VTI1A: variants seen among roughly 807,000 people sequenced by gnomAD.
The protein encoded by VTI1A is vesicle transport through interaction with t-SNAREs 1A.
In VTI1A, 22 loss-of-function variants were observed where a neutral mutation model predicts 34.9. The ratio of observed to expected loss-of-function variants is 0.63; its 90% CI spans 0.45 to 0.90. VTI1A has a LOEUF of 0.90. Among genes scored for constraint, VTI1A ranks in the 40% least tolerant of loss-of-function variants. The probability of loss-of-function intolerance (pLI) is 0.00; values close to 1 mark genes in which losing one functional copy is unlikely to be tolerated. For missense variants in VTI1A, 268 were observed against 275.6 expected (o/e 0.97, Z 0.20); for synonymous variants, 87 against 97.3 (o/e 0.89, Z 0.62).
In VTI1A at chr10:112,633,855, T is replaced by C. The variant is rs576890801; in HGVS notation, c.428-34363T>C. On this transcript the variant is annotated intron_variant, in intron 5 of 7. Transcript: ENST00000393077. ...TAGCATTATCAAGTTGGCTCTAGAC[T>C]AAAAAAAAAAAAAAGTCATGACTCA... Among the ~76,000 whole-genome samples, 34 of 125,578 alleles carry C rather than the reference T, an allele frequency of 2.7e-4. No individual in the cohort carries two copies. The East Asian group carries it at 7.6e-3, about 28-fold the overall frequency. 82.4% of individuals were successfully genotyped at this position (125,578 alleles called of 152,430 possible).
chr10:112,842,131 C>T, the VTI1A span, among the ~76,000 whole-genome samples: 30 of 124,102 alleles, frequency 2.4e-4, no homozygotes, highest in South Asian at 5.2e-3. Context: ...GGTGCAATCT[C>T]GGCTCACTGC....
At chr10:112,468,101 GA>G (rs1263855633) in intron 3 of VTI1A, among the ~76,000 whole-genome samples, 2 of 152,200 alleles carry the variant, frequency 1.3e-5, no homozygotes, top group Non-Finnish European at 2.9e-5. Flanking sequence ...GAGAGAGGAA[GA>G]AACGTGTGTG....
the VTI1A span, among the ~76,000 whole-genome samples, chr10:112,849,926 G>C: frequency 4.6e-5 from 7 of 152,162 alleles, no homozygotes; most frequent in African/African-American, 1.7e-4. Context: ...TAAGGGGAGA[G>C]CTGGGAAGGG....
intron 5 of VTI1A, chr10:112,634,198 G>GC (rs1846255002): frequency 1.3e-5 from 2 of 154,410 alleles, no homozygotes; most frequent in African/African-American, 4.8e-5. Flanking sequence ...TGTTTTCCTT[G>GC]CCTGTGGCAA....
chr10:112,735,821 C>T (rs919209590), intron 7 of VTI1A, among the ~76,000 whole-genome samples: 1 of 151,802 alleles, frequency 6.6e-6, no homozygotes, highest in African/African-American at 2.4e-5. Context: ...TCAGTCTGGT[C>T]ACTGAGTCCC....
Position 112,811,712 on chromosome 10 carries a change from A to AAAAAAAAAAAAAAAAAAAAAAAAAAGAT in VTI1A, c.561-3578_561-3577insAAAAAAAAAAAAAAAAAAAAAAAAAGAT, listed in dbSNP as rs67154330. On this transcript the variant is annotated intron_variant, in intron 7 of 7. Coordinates refer to ENST00000393077, the MANE Select transcript of VTI1A (RefSeq NM_145206.4). ...AAAAAAAAAAAAAAAAAAAAAAAAA[A>AAAAAAAAAAAAAAAAAAAAAAAAAAGAT]GAGTGCAGTCCATGCCTGGAAGTAG... 8.3e-5 allele frequency among the ~76,000 whole-genome samples: 7 copies of AAAAAAAAAAAAAAAAAAAAAAAAAAGAT among 84,066 alleles called. 3 individuals carry two copies. Among genetic ancestry groups the AAAAAAAAAAAAAAAAAAAAAAAAAAGAT allele is most frequent in the African/African-American group, 3.3e-4 (7 of 21,062 alleles). 55.2% of individuals were successfully genotyped at this position (84,066 alleles called of 152,430 possible).
At chr10:112,459,211 A>T (rs1847645966) in intron 1 of VTI1A, among the ~76,000 whole-genome samples, 1 of 152,200 alleles carries the variant, frequency 6.6e-6, no homozygotes, top group Non-Finnish European at 1.5e-5. Flanking sequence ...CATTTCAGTT[A>T]TTTCAAGCCA....
In VTI1A at chr10:112,668,281, G is replaced by T; in HGVS notation, c.491G>T (p.Arg164Leu). ...GACAGAGAAAAGATACAGCGAGCAC[G>T]TGAAAGAGTAAGTACAATTGATACA... The part of the protein sequence containing the change: ...SHDREKIQRA[R>L]ERLRETDANL... Residue 164 changes from arginine (R) to leucine (L), a missense_variant, in exon 6 of 8, where the codon CGT (arginine) becomes CTT (leucine). By Grantham distance (102) the Arg-to-Leu change is moderately radical. Coordinates refer to ENST00000393077, the MANE Select transcript of VTI1A (RefSeq NM_145206.4). 1 of 1,612,236 alleles carries T rather than the reference G, an allele frequency of 6.2e-7. No individual in the cohort carries two copies. The highest frequency in any genetic ancestry group is 8.5e-7 in the Non-Finnish European group (1 of 1,178,836).
chr10:112,626,197 G>T (rs1845916636), intron 5 of VTI1A, among the ~76,000 whole-genome samples: 1 of 152,148 alleles, frequency 6.6e-6, no homozygotes, highest in African/African-American at 2.4e-5. Context: ...GAAGCACAGA[G>T]AGGTAAAAGC....
chr10:112,584,546 G>A (rs1844075318), intron 5 of VTI1A, among the ~76,000 whole-genome samples: 2 of 152,182 alleles, frequency 1.3e-5, no homozygotes, highest in African/African-American at 4.8e-5. Context: ...CAACATACAG[G>A]CATGCGCCAT....
chr10:112,640,078 A>T (rs1290278772), intron 5 of VTI1A, among the ~76,000 whole-genome samples: 1 of 152,140 alleles, frequency 6.6e-6, no homozygotes, highest in African/African-American at 2.4e-5. Context: ...ATATGAAATT[A>T]TTTTTCTTTA....
At chr10:112,488,468 G>T (rs1848718157) in intron 3 of VTI1A, among the ~76,000 whole-genome samples, 1 of 152,156 alleles carries the variant, frequency 6.6e-6, no homozygotes, top group African/African-American at 2.4e-5. Context: ...TCTTGGTTAA[G>T]ATAGAGGATT....
At chr10:112,620,705 G>A (rs1845702482) in intron 5 of VTI1A, among the ~76,000 whole-genome samples, 4 of 151,540 alleles carry the variant, frequency 2.6e-5, no homozygotes, top group African/African-American at 9.7e-5. Context: ...CAGGAGAATC[G>A]CTTGAACCCA....
chr10:112,830,851 T>TATATATATATA, the VTI1A span, among the ~76,000 whole-genome samples: 11 of 38,008 alleles, frequency 2.9e-4, no homozygotes, highest in East Asian at 1.4e-3. Flanking sequence ...ATATATATAT[T>TATATATATATA]TTTTTTTTTT....
intron 4 of VTI1A, among the ~76,000 whole-genome samples, chr10:112,534,721 A>G (rs1369629868): frequency 6.6e-6 from 1 of 152,198 alleles, no homozygotes; most frequent in African/African-American, 2.4e-5. Flanking sequence ...AGTTGTATAT[A>G]TACACTAAAT....
At chr10:112,453,673 T>C (rs59637758) in intron 1 of VTI1A, among the ~76,000 whole-genome samples, 57,649 of 151,894 alleles carry the variant, frequency 0.38, 11,927 homozygotes, top group African/African-American at 0.56. Context: ...TTTTTTCTTT[T>C]CTTTTTTTTA....
At chr10:112,628,891 T>C (rs546919079) in intron 5 of VTI1A, among the ~76,000 whole-genome samples, 1 of 152,338 alleles carries the variant, frequency 6.6e-6, no homozygotes, top group African/African-American at 2.4e-5. Context: ...TACACGTGTG[T>C]CTACATTTAA....
chr10:112,785,358 A>G (rs1005524904), intron 7 of VTI1A, among the ~76,000 whole-genome samples: 1 of 151,894 alleles, frequency 6.6e-6, no homozygotes, highest in African/African-American at 2.4e-5. Flanking sequence ...AGCTTGTAAG[A>G]CTCTGCTACA....
At chr10:112,749,145 A>G (rs926758774) in intron 7 of VTI1A, among the ~76,000 whole-genome samples, 11 of 152,226 alleles carry the variant, frequency 7.2e-5, no homozygotes, top group Non-Finnish European at 4.4e-5. Flanking sequence ...TACATGAACC[A>G]AGGACAACCA....
Sources: gnomAD v4.1 joint callset for allele counts (sites outside exome capture counted in the v4.1 genomes callset) on GRCh38, gnomAD v4.1.1 for gene constraint, MANE v1.5 for transcripts, NCBI Gene and HGNC (gene_info 2026-07-23, HGNC 2026-07-21) for gene names.